CDC14B: variants seen among roughly 807,000 people sequenced by gnomAD.
CDC14B encodes cell division cycle 14B, also known as dual specificity protein phosphatase CDC14B.
CDC14B carries 22 observed loss-of-function variants against 64.2 expected under a neutral mutation model. The ratio of observed to expected loss-of-function variants is 0.34; its 90% CI spans 0.24 to 0.49. The LOEUF (loss-of-function observed/expected upper bound fraction) is 0.49, where lower values mean the gene tolerates loss of function less well. Ranked by LOEUF, CDC14B falls within the 20% of genes least tolerant of loss-of-function variation. The probability of loss-of-function intolerance (pLI) is 0.99; values close to 1 mark genes in which losing one functional copy is unlikely to be tolerated. For synonymous variants in CDC14B, 191 were observed against 215.8 expected (o/e 0.89, Z 1.01); for missense variants, 498 against 629.9 (o/e 0.79, Z 2.24).
chr9:96,611,692 G>A (rs1420303844), intron 1 of CDC14B, among the ~76,000 whole-genome samples: 2 of 151,790 alleles, frequency 1.3e-5, no homozygotes, highest in African/African-American at 4.8e-5. Context: ...TTGTCTCTCT[G>A]CTACACATTA....
intron 1 of CDC14B, among the ~76,000 whole-genome samples, chr9:96,596,859 T>A (rs1457709041): frequency 6.8e-6 from 1 of 147,158 alleles, no homozygotes; most frequent in African/African-American, 2.5e-5. Context: ...ACCTTCTCTA[T>A]CTTTAAAAAA....
chr9:96,565,797 T>C (rs763857189), intron 1 of CDC14B, among the ~76,000 whole-genome samples: 11 of 152,234 alleles, frequency 7.2e-5, no homozygotes, highest in Non-Finnish European at 1.6e-4. Flanking sequence ...TTTCAGCAAA[T>C]TGCAGCATGC....
intron 1 of CDC14B, among the ~76,000 whole-genome samples, chr9:96,610,025 T>C (rs1847207076): frequency 6.6e-6 from 1 of 151,972 alleles, no homozygotes; most frequent in African/African-American, 2.4e-5. Context: ...TAAATAATGC[T>C]GAGATTAAAG....
chr9:96,510,543 T>A (rs1324682942), intron 12 of CDC14B, among the ~76,000 whole-genome samples: 7 of 152,066 alleles, frequency 4.6e-5, no homozygotes, highest in Non-Finnish European at 1.0e-4. Flanking sequence ...GTTTTTTTTT[T>A]TCTTTCCTCT....
chr9:96,587,810 A>T (rs1845544990), intron 1 of CDC14B, among the ~76,000 whole-genome samples: 1 of 152,178 alleles, frequency 6.6e-6, no homozygotes, highest in African/African-American at 2.4e-5. Context: ...ATCAACAAAT[A>T]CGAAGGAGCA....
chr9:96,530,948 A>G (rs1377791867), intron 9 of CDC14B, among the ~76,000 whole-genome samples: 1 of 152,182 alleles, frequency 6.6e-6, no homozygotes, highest in Admixed American at 6.5e-5. Flanking sequence ...GGTATATCAC[A>G]CTGATTGATT....
At chr9:96,519,783 T>C (rs887463473) in intron 12 of CDC14B, among the ~76,000 whole-genome samples, 3 of 151,474 alleles carry the variant, frequency 2.0e-5, no homozygotes, top group Non-Finnish European at 4.4e-5. Context: ...TAATATTTTA[T>C]GTACTATAAC....
intron 1 of CDC14B, chr9:96,567,058 C>G (rs926398904): frequency 1.8e-6 from 2 of 1,087,784 alleles, no homozygotes; most frequent in African/African-American, 3.3e-5. Flanking sequence ...GCACCCCGCC[C>G]CACCTCCCGC....
At chr9:96,598,972 T>G (rs2118777783) in intron 1 of CDC14B, among the ~76,000 whole-genome samples, 1 of 152,342 alleles carries the variant, frequency 6.6e-6, no homozygotes, top group Non-Finnish European at 1.5e-5. Context: ...CCAAGATGTA[T>G]CATATTCCAT....
intron 1 of CDC14B, among the ~76,000 whole-genome samples, chr9:96,605,961 T>A (rs762401116): frequency 6.6e-6 from 1 of 152,052 alleles, no homozygotes; most frequent in Non-Finnish European, 1.5e-5. Flanking sequence ...ACACAAAAAA[T>A]TGGCTTTTTC....
intron 2 of CDC14B, 80 bp from the exon 3 acceptor site, chr9:96,564,932 A>C: frequency 1.2e-6 from 1 of 864,408 alleles, no homozygotes; most frequent in South Asian, 1.6e-5. Context: ...CTACAAGATC[A>C]AATTAAGATA....
intron 13 of CDC14B, among the ~76,000 whole-genome samples, chr9:96,507,034 C>T (rs1564193868): frequency 6.6e-6 from 1 of 152,212 alleles, no homozygotes; most frequent in East Asian, 1.9e-4. Flanking sequence ...TGGCTCACGC[C>T]TGTAATCCCA....
intron 5 of CDC14B, among the ~76,000 whole-genome samples, chr9:96,542,444 C>T (rs1454076493): frequency 6.6e-6 from 1 of 151,976 alleles, no homozygotes; most frequent in Non-Finnish European, 1.5e-5. Context: ...CATTTTGTTG[C>T]TATCGTTATC....
intron 6 of CDC14B, among the ~76,000 whole-genome samples, chr9:96,540,489 T>A (rs1385865518): frequency 6.6e-6 from 1 of 151,514 alleles, no homozygotes; most frequent in Non-Finnish European, 1.5e-5. Flanking sequence ...AAAAATTAGC[T>A]GAGCATAGCA....
At chr9:96,530,292 C>G (rs978017439) in intron 9 of CDC14B, among the ~76,000 whole-genome samples, 4 of 144,802 alleles carry the variant, frequency 2.8e-5, no homozygotes, top group African/African-American at 1.1e-4. Context: ...AGGGTTCTCT[C>G]TCTGTTTTTT....
At chr9:96,523,200 T>G (rs1837011359) in intron 11 of CDC14B, 61 bp downstream of exon 11, 2 of 1,551,610 alleles carry the variant, frequency 1.3e-6, no homozygotes, top group East Asian at 4.5e-5. Context: ...CTCCATACCC[T>G]GACAGGTTCT....
At chr9:96,593,227 G>A (rs972334688) in intron 1 of CDC14B, among the ~76,000 whole-genome samples, 1 of 152,114 alleles carries the variant, frequency 6.6e-6, no homozygotes, top group East Asian at 1.9e-4. Flanking sequence ...GGTGGCTCAC[G>A]CCTGTAATCC....
Position 96,502,166 on chromosome 9 carries a change from A to G in CDC14B, c.*1587T>C, listed in dbSNP as rs1833612003. The G allele has an allele frequency of 6.6e-6, 1 of 152,162 alleles. No individual in the cohort carries two copies. 9.4% of individuals were successfully genotyped at this position (152,162 alleles called of 1,614,324 possible). ...ACTGTTTTTCTGTGATCCAGTCCCC[A>G]GTGTTTAAAAGCTGGCCTGACCCCA... On this transcript the variant is annotated 3_prime_UTR_variant, in exon 14 of 14. Coordinates refer to ENST00000375241, the MANE Select transcript of CDC14B (RefSeq NM_033331.4).
chr9:96,562,464 C>G, intron 4 of CDC14B: 1 of 445,512 alleles, frequency 2.2e-6, no homozygotes, highest in Non-Finnish European at 4.0e-6. Flanking sequence ...TTTTCCCGAG[C>G]AGTTTTAGGT....
Sources: allele counts gnomAD v4.1 joint callset (sites outside exome capture counted in the v4.1 genomes callset), GRCh38; gene constraint gnomAD v4.1.1; transcripts MANE v1.5; gene names NCBI Gene and HGNC (gene_info 2026-07-23, HGNC 2026-07-21).